The following EYS variants were observed in gnomAD, a reference collection of about 807,000 sequenced individuals.
EYS encodes the protein protein eyes shut homolog.
Under a neutral mutation model 282.1 loss-of-function variants are expected in EYS, and 250 were observed. The ratio of observed to expected loss-of-function variants is 0.89; its 90% CI spans 0.80 to 0.98. The LOEUF is 0.98. Ranked by LOEUF, EYS falls within the 50% of genes least tolerant of loss-of-function variation. EYS has a pLI of 0.00. For missense variants in EYS, 4,016 were observed against 3,709.0 expected (o/e 1.08, Z -2.15); for synonymous variants, 1,355 against 1,282.9 (o/e 1.06, Z -1.20).
chr6:64,005,568 C>T (rs1259857791), intron 33 of EYS, among the ~76,000 whole-genome samples: 1 of 152,082 alleles, frequency 6.6e-6, no homozygotes, highest in Non-Finnish European at 1.5e-5. Context: ...AATGGTATTT[C>T]CTACATTATC....
rs141144841 is a variant in EYS, at chr6:64,287,511, C to G, written c.6191+19459G>C. On this transcript the variant is annotated intron_variant, in intron 30 of 42. Coordinates refer to ENST00000503581, the MANE Select transcript of EYS (RefSeq NM_001142800.2). ...AAATCAATTCATATCTCAGTAGACTCATGATAATATCTAGCAAGTGGCTAT... is the reference window on the plus strand; with the variant it reads ...AAATCAATTCATATCTCAGTAGACTGATGATAATATCTAGCAAGTGGCTAT... Among the ~76,000 whole-genome samples the G allele has an allele frequency of 8.7e-3, 1,317 of 152,172 alleles. 27 individuals are homozygous for G. Among genetic ancestry groups the G allele is most frequent in the African/African-American group, 0.029 (1,204 of 41,518 alleles).
At chr6:64,077,889 G>T (rs1456781176) in intron 32 of EYS, among the ~76,000 whole-genome samples, 1 of 152,002 alleles carries the variant, frequency 6.6e-6, no homozygotes, top group African/African-American at 2.4e-5. Flanking sequence ...TGGTTCAGTG[G>T]CAGATTCAAA....
intron 31 of EYS, among the ~76,000 whole-genome samples, chr6:64,122,148 G>A (rs1286304576): frequency 1.3e-5 from 2 of 151,998 alleles, no homozygotes; most frequent in Non-Finnish European, 2.9e-5. Flanking sequence ...CACTTCAAGT[G>A]CATTTAATTT....
intron 30 of EYS, among the ~76,000 whole-genome samples, chr6:64,273,783 G>A (rs1175236213): frequency 6.6e-6 from 1 of 152,136 alleles, no homozygotes; most frequent in Non-Finnish European, 1.5e-5. Flanking sequence ...TTTTTGTGCA[G>A]TTTGAGAAGT....
intron 12 of EYS, among the ~76,000 whole-genome samples, chr6:65,197,939 T>C (rs1441051867): frequency 2.6e-5 from 4 of 152,106 alleles, no homozygotes; most frequent in Admixed American, 2.6e-4. Flanking sequence ...CTTTCTTCTA[T>C]AATAAATTCA....
intron 21 of EYS, among the ~76,000 whole-genome samples, chr6:64,814,743 G>A (rs888200580): frequency 6.6e-6 from 1 of 151,902 alleles, no homozygotes; most frequent in African/African-American, 2.4e-5. Context: ...ATTTTCAAGA[G>A]TTTTACCTAA....
chr6:65,123,758 C>CCACACACACACA (rs34701707), intron 12 of EYS, among the ~76,000 whole-genome samples: 2 of 147,094 alleles, frequency 1.4e-5, no homozygotes, highest in African/African-American at 2.5e-5. Context: ...ACCCACCCAC[C>CCACACACACACA]CACACACACA....
intron 1 of EYS, among the ~76,000 whole-genome samples, chr6:65,680,801 A>G (rs1768786953): frequency 6.6e-6 from 1 of 151,922 alleles, no homozygotes; most frequent in Non-Finnish European, 1.5e-5. Flanking sequence ...CTGCAGAAAC[A>G]CCAGCTGGGC....
intron 22 of EYS, among the ~76,000 whole-genome samples, chr6:64,793,366 T>C (rs1774248319): frequency 6.6e-6 from 1 of 152,122 alleles, no homozygotes; most frequent in Non-Finnish European, 1.5e-5. Context: ...ATTTTAAAAA[T>C]TAAGTATGAC....
intron 26 of EYS, among the ~76,000 whole-genome samples, chr6:64,486,382 T>C (rs1344352139): frequency 6.6e-6 from 1 of 151,476 alleles, no homozygotes. Flanking sequence ...GATCAACAGC[T>C]ATGATGCACC....
At chr6:64,024,049 C>T (rs1445160676) in intron 33 of EYS, among the ~76,000 whole-genome samples, 1 of 152,206 alleles carries the variant, frequency 6.6e-6, no homozygotes, top group Admixed American at 6.5e-5. Flanking sequence ...CTGCCCGAGC[C>T]TCCCCGATGA....
At position 64,496,794 on chromosome 6, in the gene EYS, T is replaced by C. The variant is rs552310758; in HGVS notation, c.5645-57442A>G. On this transcript the variant is annotated intron_variant, in intron 26 of 42. Coordinates refer to ENST00000503581, the MANE Select transcript of EYS (RefSeq NM_001142800.2). ...TGCTAATCATTTTCTTTTAAAATTATGCCACATGATTATTAGTTTCAAATT... is the reference window on the plus strand; with the variant it reads ...TGCTAATCATTTTCTTTTAAAATTACGCCACATGATTATTAGTTTCAAATT... Among the ~76,000 whole-genome samples the C allele has an allele frequency of 1.8e-4, 28 of 152,204 alleles. No homozygotes were observed. In the South Asian group the frequency reaches 5.8e-3, roughly 32 times the overall value.
Position 64,720,330 on chromosome 6 carries a change from C to T in EYS, c.3443+93048G>A, listed in dbSNP as rs142883698. On this transcript the variant is annotated intron_variant, in intron 22 of 42. Coordinates refer to ENST00000503581, the MANE Select transcript of EYS (RefSeq NM_001142800.2). Reference sequence around the variant, plus strand: ...CTTATGAGGGTCCTTATGATTACATCAGTTCTACCCAGATTATCCAGGACA... The same window carrying T: ...CTTATGAGGGTCCTTATGATTACATTAGTTCTACCCAGATTATCCAGGACA... Among the ~76,000 whole-genome samples, 31 of 152,294 alleles carry T rather than the reference C, an allele frequency of 2.0e-4. No homozygotes were observed. The East Asian group carries it at 6.0e-3, about 30-fold the overall frequency.
chr6:64,672,486 A>G (rs1752941250), intron 22 of EYS, among the ~76,000 whole-genome samples: 1 of 152,184 alleles, frequency 6.6e-6, no homozygotes. Context: ...CTTTTAAAGT[A>G]TTCAAGGGAG....
At chr6:64,701,934 C>A (rs1283730601) in intron 22 of EYS, among the ~76,000 whole-genome samples, 1 of 151,756 alleles carries the variant, frequency 6.6e-6, no homozygotes, top group East Asian at 1.9e-4. Flanking sequence ...ATTTGCTTTG[C>A]AATTTACAAT....
At chr6:64,142,402 C>T (rs1774366378) in intron 31 of EYS, among the ~76,000 whole-genome samples, 1 of 151,884 alleles carries the variant, frequency 6.6e-6, no homozygotes, top group African/African-American at 2.4e-5. Flanking sequence ...AAGACCAGCC[C>T]CCAAAACTGG....
chr6:64,218,842 G>A (rs540592806), intron 31 of EYS, among the ~76,000 whole-genome samples: 9 of 152,246 alleles, frequency 5.9e-5, no homozygotes, highest in Admixed American at 4.6e-4. Flanking sequence ...TGGCAGAACC[G>A]TGATGCCTGA....
At chr6:64,532,626 G>A (rs1405049010) in intron 26 of EYS, among the ~76,000 whole-genome samples, 1 of 152,192 alleles carries the variant, frequency 6.6e-6, no homozygotes, top group Admixed American at 6.5e-5. Flanking sequence ...GGAGAAAGGC[G>A]TGAACCCGGG....
At chr6:64,607,807 T>A (rs773593768) in intron 24 of EYS, among the ~76,000 whole-genome samples, 7 of 152,144 alleles carry the variant, frequency 4.6e-5, no homozygotes, top group Non-Finnish European at 8.8e-5. Flanking sequence ...TGCTCATGGA[T>A]ATAGGGTTTG....
Sources: gnomAD v4.1 joint callset for allele counts (sites outside exome capture counted in the v4.1 genomes callset) on GRCh38, gnomAD v4.1.1 for gene constraint, MANE v1.5 for transcripts, NCBI Gene and HGNC (gene_info 2026-07-23, HGNC 2026-07-21) for gene names.